The following DKK3 variants were observed in gnomAD, a reference collection of about 807,000 sequenced individuals.
The protein encoded by DKK3 is dickkopf-related protein 3.
DKK3 carries 22 observed loss-of-function variants against 33.2 expected under a neutral mutation model. The ratio of observed to expected loss-of-function variants is 0.66; its 90% CI spans 0.47 to 0.95. DKK3 has a LOEUF of 0.95. Among genes scored for constraint, DKK3 ranks in the 40% least tolerant of loss-of-function variants. The pLI is 0.00. For synonymous variants in DKK3, 194 were observed against 188.8 expected, an observed-to-expected ratio of 1.03 and a Z score of -0.23; for missense variants, 398 against 458.4, an observed-to-expected ratio of 0.87 and a Z score of 1.20.
intron 2 of DKK3, chr11:12,002,077 G>T: frequency 2.2e-6 from 1 of 449,802 alleles, no homozygotes; most frequent in Non-Finnish European, 3.9e-6. Flanking sequence ...GAAGCCTAGG[G>T]TTAAATATAT....
Position 12,008,357 on chromosome 11 carries a change from A to C in DKK3, c.213+13T>G. Reference sequence around the variant, plus strand: ...GCGCTTCTCAGAGCCCCGCGCCGCCAGGGCGCACCCACCTCTTCCACCGCG... The same window carrying C: ...GCGCTTCTCAGAGCCCCGCGCCGCCCGGGCGCACCCACCTCTTCCACCGCG... On this transcript the variant is annotated intron_variant, in intron 1 of 6. Transcript: ENST00000683431. This position sits in a 1 kb window ranked among gnomAD's most constrained non-coding sequence, Gnocchi z 4.6. 6.3e-7 allele frequency: 1 copy of C among 1,599,646 alleles called. No homozygotes were observed. Among genetic ancestry groups the C allele is most frequent in the South Asian group, 1.1e-5 (1 of 89,792 alleles).
chr11:11,982,506 C>G (rs1329725773), intron 3 of DKK3, among the ~76,000 whole-genome samples: 3 of 152,194 alleles, frequency 2.0e-5, no homozygotes, highest in Non-Finnish European at 4.4e-5. Flanking sequence ...CTGGCTCATG[C>G]TTCATCCATA....
At chr11:11,993,708 C>T (rs1027774330) in intron 3 of DKK3, among the ~76,000 whole-genome samples, 10 of 152,170 alleles carry the variant, frequency 6.6e-5, no homozygotes, top group African/African-American at 1.2e-4. Flanking sequence ...ACATAAATCA[C>T]GAAGTCAACG....
intron 3 of DKK3, among the ~76,000 whole-genome samples, chr11:11,988,538 C>G (rs1318112770): frequency 6.6e-6 from 1 of 152,204 alleles, no homozygotes; most frequent in Non-Finnish European, 1.5e-5. Context: ...CTCGCTACCA[C>G]AGGTGGGAAT....
intron 5 of DKK3, among the ~76,000 whole-genome samples, chr11:11,966,627 T>G (rs1847602160): frequency 6.6e-6 from 1 of 150,940 alleles, no homozygotes; most frequent in African/African-American, 2.4e-5. Context: ...AAGATGGGAG[T>G]GGAAGCGGGT....
chr11:11,997,858 C>T (rs2135096080), intron 3 of DKK3, among the ~76,000 whole-genome samples: 1 of 152,336 alleles, frequency 6.6e-6, no homozygotes, highest in South Asian at 2.1e-4. Flanking sequence ...TTCCAGCCAT[C>T]AGACCAAAAG....
chr11:11,989,486 C>A (rs989058396), intron 3 of DKK3, among the ~76,000 whole-genome samples: 1 of 152,118 alleles, frequency 6.6e-6, no homozygotes, highest in Non-Finnish European at 1.5e-5. Context: ...ATTCACCAGT[C>A]ACAAAAATAC....
chr11:11,966,901 T>G, intron 5 of DKK3, 53 bp downstream of exon 5: 1 of 1,597,290 alleles, frequency 6.3e-7, no homozygotes, highest in Non-Finnish European at 8.5e-7. Flanking sequence ...GGAGGTCCAG[T>G]GTGGTGGAGC....
At chr11:11,981,988 G>A (rs1447466125) in intron 3 of DKK3, among the ~76,000 whole-genome samples, 8 of 152,166 alleles carry the variant, frequency 5.3e-5, no homozygotes, top group Admixed American at 1.3e-4. Context: ...TGGATCAGCT[G>A]CTGCAGGTGC....
intron 3 of DKK3, among the ~76,000 whole-genome samples, chr11:11,971,408 T>G (rs1173299903): frequency 6.6e-6 from 1 of 152,220 alleles, no homozygotes; most frequent in Non-Finnish European, 1.5e-5. Flanking sequence ...TAAAGCAGAA[T>G]AATACCACAC....
chr11:11,965,471 G>T (rs1300191304), intron 6 of DKK3, among the ~76,000 whole-genome samples: 2 of 152,200 alleles, frequency 1.3e-5, no homozygotes, highest in African/African-American at 4.8e-5. Context: ...CTCTCTGCCA[G>T]CTCCTTTTTC....
chr11:11,970,744 G>A (rs1847707319), intron 3 of DKK3, among the ~76,000 whole-genome samples: 1 of 152,228 alleles, frequency 6.6e-6, no homozygotes, highest in Admixed American at 6.5e-5. Context: ...CACTCCATTG[G>A]CCATCCCTGG....
At chr11:11,986,316 C>T (rs913021829) in intron 3 of DKK3, among the ~76,000 whole-genome samples, 3 of 152,140 alleles carry the variant, frequency 2.0e-5, no homozygotes, top group Admixed American at 1.3e-4. Context: ...TCTTCAGACA[C>T]GGGAGCATGC....
rs373077042 is a variant in DKK3, at chr11:11,964,669, A to T, written c.848T>A (p.Val283Glu). 276 of 1,613,834 alleles carry T rather than the reference A, an allele frequency of 1.7e-4. 2 individuals carry two copies. The highest frequency in any genetic ancestry group is 1.3e-4 in the Admixed American group (8 of 59,986). Residue 283 changes from valine (V) to glutamate (E), a missense_variant, in exon 7 of 7, where the codon GTG becomes GAG. Physicochemically the swap from Val to Glu is moderately radical, Grantham distance 121. Transcript: ENST00000683431. ...CQPHSHSLVY[V>E]CKPTFVGSRD... is the part of the protein sequence containing the mutation. ...GCTCCCCACGAAGGTCGGCTTGCAC[A>T]CATACACCAGGCTGTGGCTGGGGAG...
chr11:12,009,585 G>A, upstream of DKK3: 1 of 985,892 alleles, frequency 1.0e-6, no homozygotes, highest in Non-Finnish European at 1.2e-6. Context: ...TGGCCTCCAG[G>A]CTTGCAACAG....
intron 2 of DKK3, among the ~76,000 whole-genome samples, chr11:11,999,159 G>T (rs1848368720): frequency 6.6e-6 from 1 of 152,198 alleles, no homozygotes; most frequent in Non-Finnish European, 1.5e-5. Context: ...ACAAGTCCGG[G>T]TGTCTAGTTG....
At chr11:11,967,278 CAT>C (rs1491389633) in intron 4 of DKK3, among the ~76,000 whole-genome samples, 180 bp from the exon 5 acceptor site, 1 of 152,190 alleles carries the variant, frequency 6.6e-6, no homozygotes, top group African/African-American at 2.4e-5. Flanking sequence ...GCTGGCGAGA[CAT>C]GGGGGTCAGA....
chr11:11,978,452 C>A (rs1590516207), intron 3 of DKK3, among the ~76,000 whole-genome samples: 2 of 150,960 alleles, frequency 1.3e-5, no homozygotes, highest in South Asian at 4.3e-4. Flanking sequence ...TCCTCTTCTT[C>A]TTCCTCTCCT....
At chr11:11,982,262 A>G (rs1847970606) in intron 3 of DKK3, among the ~76,000 whole-genome samples, 1 of 146,540 alleles carries the variant, frequency 6.8e-6, no homozygotes, top group Non-Finnish European at 1.5e-5. Context: ...GGTCTGGGGA[A>G]TCATAACAAG....
Sources: allele counts gnomAD v4.1 joint callset (sites outside exome capture counted in the v4.1 genomes callset), GRCh38; gene constraint gnomAD v4.1.1; non-coding constraint Gnocchi (gnomAD v3.1); transcripts MANE v1.5; gene names NCBI Gene and HGNC (gene_info 2026-07-23, HGNC 2026-07-21).